Variants in SLC43A2 observed in about 807,000 individuals in gnomAD.
SLC43A2 encodes the protein solute carrier family 43 member 2.
A neutral mutation model predicts 63.2 loss-of-function variants in SLC43A2; 38 were observed. The ratio of observed to expected loss-of-function variants is 0.60; its 90% confidence interval spans 0.46 to 0.79. SLC43A2 has a LOEUF of 0.79. Ranked by LOEUF, SLC43A2 falls within the 30% of genes least tolerant of loss-of-function variation. SLC43A2 has a pLI of 0.00. For synonymous variants in SLC43A2, 322 were observed against 331.0 expected (o/e 0.97, Z 0.30); for missense variants, 644 against 756.2 (o/e 0.85, Z 1.74).
At chr17:1,628,635 C>T (rs73287193) in intron 1 of SLC43A2, among the ~76,000 whole-genome samples, 159 bp downstream of exon 1, 202 of 152,304 alleles carry the variant, frequency 1.3e-3, no homozygotes, top group African/African-American at 4.6e-3. Context: ...CCCGCGCCTC[C>T]ATTCCCCAGC....
chr17:1,610,208 G>T (rs1474387923), intron 5 of SLC43A2, among the ~76,000 whole-genome samples: 1 of 151,914 alleles, frequency 6.6e-6, no homozygotes, highest in Non-Finnish European at 1.5e-5. Flanking sequence ...GTGAGCCACT[G>T]CGCCTGGCAG....
chr17:1,615,670 C>T lies in SLC43A2; in HGVS notation c.369-636G>A, dbSNP rs952005955. 2.1e-3 allele frequency among the ~76,000 whole-genome samples: 320 copies of T among 149,770 alleles called. 2 individuals are homozygous for T. Among genetic ancestry groups the T allele is most frequent in the South Asian group, 0.017 (80 of 4,690 alleles). On this transcript the variant is annotated intron_variant, in intron 3 of 13. Transcript: ENST00000301335. The stretch of plus-strand genomic sequence containing the variant: ...CATCCTGGCTAACACAGTGAAACCC[C>T]GTCTCTACTAAAAATACAAAAAATT...
At position 1,571,777 on chromosome 17, in the gene SLC43A2, T is replaced by A. The variant is rs565512913; in HGVS notation, c.*3827A>T. ...GGCCCCGGTGAGGGGTGGGACCTTG[T>A]GTATAGGTCCAGGCAGCAGCAGCTG... On this transcript the variant is annotated 3_prime_UTR_variant, in exon 14 of 14. Transcript: ENST00000301335. This position sits in a 1 kb window ranked among gnomAD's most constrained non-coding sequence, Gnocchi z 5.2. The A allele has an allele frequency of 6.6e-6, 1 of 152,018 alleles. No homozygotes were observed. The highest frequency in any genetic ancestry group is 1.5e-5 in the Non-Finnish European group (1 of 68,032). The allele number at this position is 152,018 out of a possible 1,614,324, so 9.4% of individuals were successfully genotyped here. A position where few individuals can be genotyped will look rare whatever the true frequency, so the allele number is the denominator to read the frequency against.
intron 13 of SLC43A2, among the ~76,000 whole-genome samples, chr17:1,576,376 G>A (rs568316489): frequency 2.3e-4 from 35 of 152,174 alleles, no homozygotes; most frequent in Non-Finnish European, 3.5e-4. Flanking sequence ...GAGCCACCGC[G>A]CCCGGCCCAG....
chr17:1,608,433 A>G (rs913632267), intron 5 of SLC43A2, among the ~76,000 whole-genome samples: 1 of 151,608 alleles, frequency 6.6e-6, no homozygotes, highest in Admixed American at 6.6e-5. Flanking sequence ...TCACTCTGCC[A>G]CCCAGGCTGG....
chr17:1,571,639 G>A lies in SLC43A2; in HGVS notation c.*3965C>T, dbSNP rs1177014034. 6.6e-6 allele frequency: 1 copy of A among 152,388 alleles called. No homozygotes were observed. Among genetic ancestry groups the A allele is most frequent in the African/African-American group, 2.4e-5 (1 of 41,448 alleles). The allele number at this position is 152,388 out of a possible 1,614,324, so 9.4% of individuals were successfully genotyped here. A position where few individuals can be genotyped will look rare whatever the true frequency, so the allele number is the denominator to read the frequency against. On this transcript the variant is annotated 3_prime_UTR_variant, in exon 14 of 14. Transcript: ENST00000301335. This position sits in a 1 kb window ranked among gnomAD's most constrained non-coding sequence, Gnocchi z 5.2. ...AAGTGACGCCCCCCTCGGAGTGCACGGCAGGCAAGGAAGGTTTAAACGGAA... is the reference window on the plus strand; with the variant it reads ...AAGTGACGCCCCCCTCGGAGTGCACAGCAGGCAAGGAAGGTTTAAACGGAA...
At chr17:1,576,759 T>C in intron 12 of SLC43A2, 39 bp from the exon 13 acceptor site, 1 of 1,598,140 alleles carries the variant, frequency 6.3e-7, no homozygotes, top group Non-Finnish European at 8.5e-7. Context: ...TCCTGCCTCC[T>C]GGGCTTTGCT....
At chr17:1,587,158 G>A (rs1057186311) in intron 9 of SLC43A2, among the ~76,000 whole-genome samples, 1 of 152,120 alleles carries the variant, frequency 6.6e-6, no homozygotes, top group Non-Finnish European at 1.5e-5. Context: ...GCTGCAGCCA[G>A]GCCTCTGGAA....
At chr17:1,620,862 AG>A (rs1408519904) in intron 2 of SLC43A2, among the ~76,000 whole-genome samples, 2 of 152,122 alleles carry the variant, frequency 1.3e-5, no homozygotes, top group Non-Finnish European at 2.9e-5. Flanking sequence ...TTAAGCACCC[AG>A]GAAGTGCCAA....
chr17:1,611,487 T>C (rs1907097868), intron 5 of SLC43A2, among the ~76,000 whole-genome samples: 1 of 151,456 alleles, frequency 6.6e-6, no homozygotes, highest in African/African-American at 2.4e-5. Flanking sequence ...ATACAAAAAT[T>C]AGCGAGGCGT....
chr17:1,582,561 C>T (rs1259347084), intron 11 of SLC43A2, among the ~76,000 whole-genome samples: 1 of 152,170 alleles, frequency 6.6e-6, no homozygotes, highest in African/African-American at 2.4e-5. Context: ...AGGAACTCTA[C>T]AGCGACCCCA....
intron 2 of SLC43A2, among the ~76,000 whole-genome samples, chr17:1,617,803 T>C (rs1368347523): frequency 2.0e-5 from 3 of 152,200 alleles, no homozygotes; most frequent in Non-Finnish European, 4.4e-5. Flanking sequence ...CAGCCCTTAA[T>C]GGCCCCCTTC....
intron 5 of SLC43A2, among the ~76,000 whole-genome samples, chr17:1,594,073 C>T (rs1905055627): frequency 6.6e-6 from 1 of 152,160 alleles, no homozygotes; most frequent in Admixed American, 6.6e-5. Context: ...GATCCGCCCG[C>T]CTCGGCCTCC....
rs1169859213 is a variant in SLC43A2, at chr17:1,586,049, C to G, written c.1081G>C (p.Gly361Arg). ...ACGCCGAAGATGGAGGTGTAGAGGCCAACTGTGGAGGAAGGCGCTGCGTCA... is the reference window on the plus strand; with the variant it reads ...ACGCCGAAGATGGAGGTGTAGAGGCGAACTGTGGAGGAAGGCGCTGCGTCA... ...FLVSGDQKTVGLYTSIFGVLQ... is the reference protein window; with the variant it reads ...FLVSGDQKTVRLYTSIFGVLQ... Residue 361 changes from glycine (G) to arginine (R), a missense_variant and splice_region_variant, in exon 10 of 14, where the codon GGC (glycine) becomes CGC (arginine). Around this residue, in one of 3 missense-constraint regions of SLC43A2, gnomAD observed 528 missense variants for 623.6 expected, o/e 0.85. Transcript: ENST00000301335. 55 of 1,591,448 alleles carry G rather than the reference C, an allele frequency of 3.5e-5. No individual in the cohort carries two copies. The highest frequency in any genetic ancestry group is 4.5e-5 in the Non-Finnish European group (53 of 1,169,384).
At position 1,590,824 on chromosome 17, in the gene SLC43A2, C is replaced by G. The variant is rs1013769863; in HGVS notation, c.1056G>C (p.Leu352=). ...TACCTGTCTTCTGGTCGCCGCTGAC[C>G]AGGAACTTGAGGATGTTGTTCATAG... The part of the protein sequence containing the change: ...MGAMNNILKF[L]VSGDQKTVGL... The change falls in exon 9 of 14, where the codon CTG becomes CTC. Residue 352 remains leucine (L), a synonymous_variant. Transcript: ENST00000301335. The G allele has an allele frequency of 6.4e-7, 1 of 1,555,688 alleles. No individual in the cohort carries two copies. The highest frequency in any genetic ancestry group is 8.7e-7 in the Non-Finnish European group (1 of 1,148,950).
intron 6 of SLC43A2, among the ~76,000 whole-genome samples, chr17:1,592,568 T>A (rs2013905): frequency 0.98 from 149,256 of 152,234 alleles, 73,235 homozygotes; most frequent in South Asian, 1. Flanking sequence ...CCACACCGTG[T>A]CCCCCTCTCC....
Position 1,590,831 on chromosome 17 carries a change from T to C in SLC43A2, c.1049A>G (p.Lys350Arg). ...CTTCTGGTCGCCGCTGACCAGGAAC[T>C]TGAGGATGTTGTTCATAGCCCCCAT... Reference protein sequence around the residue: ...FYMGAMNNILKFLVSGDQKTV... With the variant: ...FYMGAMNNILRFLVSGDQKTV... Residue 350 changes from lysine (K) to arginine (R), a missense_variant, in exon 9 of 14, where the codon AAG (lysine) becomes AGG (arginine). Lys to Arg is a conservative substitution (Grantham distance 26). Coordinates refer to ENST00000301335, the MANE Select transcript of SLC43A2 (RefSeq NM_152346.3). 6.4e-7 allele frequency: 1 copy of C among 1,555,906 alleles called. No individual in the cohort carries two copies. Among genetic ancestry groups the C allele is most frequent in the Non-Finnish European group, 8.7e-7 (1 of 1,148,952 alleles).
chr17:1,575,281 C>T lies in SLC43A2; in HGVS notation c.*323G>A. The T allele has an allele frequency of 2.3e-6, 1 of 440,046 alleles. No individual in the cohort carries two copies. Among genetic ancestry groups the T allele is most frequent in the South Asian group, 2.2e-5 (1 of 44,604 alleles). 27.3% of individuals were successfully genotyped at this position (440,046 alleles called of 1,614,324 possible). A position where few individuals can be genotyped will look rare whatever the true frequency, so the allele number is the denominator to read the frequency against. ...CTCTGCTTTGGCAAGAGGCAGAATC[C>T]AGACACTGGCGGGAGAGCGCCTGCC... On this transcript the variant is annotated 3_prime_UTR_variant, in exon 14 of 14. Transcript: ENST00000301335.
At chr17:1,601,865 C>T (rs906707461) in intron 5 of SLC43A2, among the ~76,000 whole-genome samples, 6 of 147,216 alleles carry the variant, frequency 4.1e-5, no homozygotes, top group East Asian at 2.1e-4. Context: ...ACCGCCCTCC[C>T]GAAGGTCCAA....
Sources: allele counts gnomAD v4.1 joint callset (sites outside exome capture counted in the v4.1 genomes callset), GRCh38; gene constraint gnomAD v4.1.1; regional missense constraint gnomAD v4.1.1; non-coding constraint Gnocchi (gnomAD v3.1); transcripts MANE v1.5; gene names NCBI Gene and HGNC (gene_info 2026-07-23, HGNC 2026-07-21).